The following RSPH14 variants were observed in gnomAD, a reference collection of about 807,000 sequenced individuals.
The protein encoded by RSPH14 is radial spoke head 14 homolog, also known as rhabdoid tumor deletion region gene 1.
In RSPH14, 20 loss-of-function variants were observed where a neutral mutation model predicts 26.7. That is an observed-to-expected ratio of 0.75 (90% CI 0.53 to 1.09). The LOEUF is 1.09. Among genes scored for constraint, RSPH14 ranks in the 50% least tolerant of loss-of-function variants. The pLI is 0.00. For synonymous variants in RSPH14, 177 were observed against 189.3 expected, an observed-to-expected ratio of 0.93 and a Z score of 0.53; for missense variants, 449 against 457.2, an observed-to-expected ratio of 0.98 and a Z score of 0.16.
At chr22:23,124,337 C>T in intron 4 of RSPH14, 3 of 397,112 alleles carry the variant, frequency 7.6e-6, no homozygotes, top group Non-Finnish European at 1.6e-5. Flanking sequence ...TTCAGGTGGT[C>T]TTTTTTGTGT....
At chr22:23,180,364 C>T in the RSPH14 span, 1 of 146,314 alleles carries the variant, frequency 6.8e-6, no homozygotes, top group East Asian at 2.2e-4. Context: ...GGCACAGGGA[C>T]GGGGGGAGGG....
In RSPH14 at chr22:23,071,392, C is replaced by T. The variant is rs1038034928; in HGVS notation, c.422-7259G>A. On this transcript the variant is annotated intron_variant, in intron 4 of 6. Coordinates refer to ENST00000216036, the MANE Select transcript of RSPH14 (RefSeq NM_014433.3). The surrounding 1 kb of genome is among the most constrained non-coding windows in gnomAD (Gnocchi z 4.1). ...GACAAGAGGATGATGCCAAGCGAGA[C>T]CAGCGTTCCGCGTAGTCCGTGTTGG... Among the ~76,000 whole-genome samples the T allele has an allele frequency of 2.6e-5, 4 of 152,184 alleles. No individual in the cohort carries two copies. Among genetic ancestry groups the T allele is most frequent in the Non-Finnish European group, 1.5e-5 (1 of 68,036 alleles).
intron 4 of RSPH14, among the ~76,000 whole-genome samples, chr22:23,101,471 G>A (rs1293727556): frequency 6.6e-6 from 1 of 152,174 alleles, no homozygotes; most frequent in East Asian, 1.9e-4. Context: ...GTGAGTGGCT[G>A]TGAAGGTTGA....
chr22:23,156,468 C>T, the RSPH14 span, among the ~76,000 whole-genome samples: 159 of 152,236 alleles, frequency 1.0e-3, 2 homozygotes, highest in African/African-American at 3.6e-3. Context: ...CCAGCAGGGC[C>T]GGATGCTCAC....
chr22:23,091,780 G>A (rs913270173), intron 4 of RSPH14, among the ~76,000 whole-genome samples: 7 of 152,202 alleles, frequency 4.6e-5, no homozygotes, highest in South Asian at 2.1e-4. Flanking sequence ...TTTCAGTGGC[G>A]TCCTGTTTCT....
rs1270874347 is a variant in RSPH14, at chr22:23,071,424, G to A, written c.422-7291C>T. 6.6e-6 allele frequency among the ~76,000 whole-genome samples: 1 copy of A among 152,216 alleles called. No homozygotes were observed. Among genetic ancestry groups the A allele is most frequent in the African/African-American group, 2.4e-5 (1 of 41,458 alleles). On this transcript the variant is annotated intron_variant, in intron 4 of 6. Transcript: ENST00000216036. The surrounding 1 kb of genome is among the most constrained non-coding windows in gnomAD (Gnocchi z 4.1). ...TCCGCGTAGTCCGTGTTGGGGTGGAGGGACCCGCCTGGTAGAGAGGTCTGT... is the reference window on the plus strand; with the variant it reads ...TCCGCGTAGTCCGTGTTGGGGTGGAAGGACCCGCCTGGTAGAGAGGTCTGT...
chr22:23,079,911 T>C (rs2068627953), intron 4 of RSPH14, among the ~76,000 whole-genome samples: 1 of 152,088 alleles, frequency 6.6e-6, no homozygotes, highest in African/African-American at 2.4e-5. Flanking sequence ...GGGGATGGGA[T>C]TGTGGGATGC....
At chr22:23,135,916 C>G (rs768887591) in intron 3 of RSPH14, 1 of 152,816 alleles carries the variant, frequency 6.5e-6, no homozygotes, top group Non-Finnish European at 1.5e-5. Flanking sequence ...TGTGCAAACC[C>G]CTCAGCCAAG....
chr22:23,069,924 C>T (rs1171038708), intron 4 of RSPH14, among the ~76,000 whole-genome samples: 2 of 152,122 alleles, frequency 1.3e-5, no homozygotes, highest in African/African-American at 2.4e-5. Context: ...CACAAGAGGC[C>T]GAACTGGGTT....
chr22:23,134,538 A>G (rs901766482), intron 3 of RSPH14, among the ~76,000 whole-genome samples: 5 of 134,720 alleles, frequency 3.7e-5, no homozygotes, highest in African/African-American at 1.4e-4. Flanking sequence ...ATTGAGCCCC[A>G]ACTCCCAACC....
At chr22:23,092,434 T>C (rs958725310) in intron 4 of RSPH14, among the ~76,000 whole-genome samples, 2 of 152,070 alleles carry the variant, frequency 1.3e-5, no homozygotes, top group African/African-American at 4.8e-5. Flanking sequence ...GGGAGAATTC[T>C]GGGTGGGGCC....
chr22:23,061,190 G>GA (rs2146205315), intron 6 of RSPH14, among the ~76,000 whole-genome samples: 1 of 152,288 alleles, frequency 6.6e-6, no homozygotes, highest in South Asian at 2.1e-4. Flanking sequence ...AGGGCCCCAG[G>GA]CTGGTGGGTG....
the RSPH14 span, among the ~76,000 whole-genome samples, chr22:23,150,791 C>T: frequency 7.8e-3 from 1,183 of 152,298 alleles, 18 homozygotes; most frequent in African/African-American, 0.027. Context: ...CGTGTCAAGT[C>T]CTCTGGGAGC....
chr22:23,142,098 C>G (rs1414874315), upstream of RSPH14: 10 of 926,032 alleles, frequency 1.1e-5, no homozygotes, highest in South Asian at 3.5e-4. Context: ...GCAAACAGCC[C>G]AAGGCTGCGG....
chr22:23,114,132 G>A lies in RSPH14; in HGVS notation c.421+19894C>T, dbSNP rs2069744076. On this transcript the variant is annotated intron_variant, in intron 4 of 6. Transcript: ENST00000216036. ...CTGCCCTCAGAGCCTGGTACTCGGT[G>A]GCCCTGGTCAGGCCTGGTGGCTCAG... Among the ~76,000 whole-genome samples, 3 of 152,232 alleles carry A rather than the reference G, an allele frequency of 2.0e-5. No homozygotes were observed. In the South Asian group the frequency reaches 6.2e-4, roughly 32 times the overall value.
At chr22:23,157,891 G>A in the RSPH14 span, 4 of 1,582,986 alleles carry the variant, frequency 2.5e-6, no homozygotes, top group Admixed American at 5.3e-5. Context: ...CTGGTTGGGG[G>A]GCTGCCCTGG....
chr22:23,133,976 G>T, intron 4 of RSPH14, 50 bp downstream of exon 4: 1 of 1,353,568 alleles, frequency 7.4e-7, no homozygotes, highest in Non-Finnish European at 1.1e-6. Flanking sequence ...AGAGGAGACC[G>T]ACGGACAACT....
At chr22:23,166,147 T>TAAAAAAAAA in the RSPH14 span, among the ~76,000 whole-genome samples, 92 of 59,884 alleles carry the variant, frequency 1.5e-3, 5 homozygotes, top group African/African-American at 6.1e-3. Context: ...CTCTGTCTTT[T>TAAAAAAAAA]AAAAAAAAAA....
intron 4 of RSPH14, among the ~76,000 whole-genome samples, chr22:23,103,783 G>A (rs894417795): frequency 2.0e-5 from 3 of 152,178 alleles, no homozygotes; most frequent in Non-Finnish European, 2.9e-5. Flanking sequence ...AGGGACAGAG[G>A]CAGTCCTATC....
Sources: allele counts gnomAD v4.1 joint callset (sites outside exome capture counted in the v4.1 genomes callset), GRCh38; gene constraint gnomAD v4.1.1; non-coding constraint Gnocchi (gnomAD v3.1); transcripts MANE v1.5; gene names NCBI Gene and HGNC (gene_info 2026-07-23, HGNC 2026-07-21).